Variants in GALNT17 observed in about 807,000 individuals in gnomAD.
GALNT17 encodes the protein polypeptide N-acetylgalactosaminyltransferase 17.
A neutral mutation model predicts 63.7 loss-of-function variants in GALNT17; 29 were observed. The ratio of observed to expected loss-of-function variants is 0.46; its 90% CI spans 0.34 to 0.62. The LOEUF (loss-of-function observed/expected upper bound fraction) is 0.62. GALNT17 is among the 20% of genes least tolerant of loss of function. The pLI is 0.01. For missense variants in GALNT17, 603 were observed against 799.6 expected (o/e 0.75, Z 2.97); for synonymous variants, 305 against 318.3 (o/e 0.96, Z 0.45).
chr7:71,258,534 A>G (rs1790327767), intron 1 of GALNT17, among the ~76,000 whole-genome samples: 2 of 152,188 alleles, frequency 1.3e-5, no homozygotes, highest in Admixed American at 1.3e-4. Flanking sequence ...GTCCATCCCC[A>G]AGAAGTTTTC....
Position 71,693,305 on chromosome 7 carries a change from C to CATATAT in GALNT17, c.1500+16000_1500+16001insTATATA, listed in dbSNP as rs1375479092. ...ACACACACACACACACACACACACA[C>CATATAT]ACACATATATATATATGGAGACAAG... On this transcript the variant is annotated intron_variant, in intron 9 of 10. Coordinates refer to ENST00000333538, the MANE Select transcript of GALNT17 (RefSeq NM_022479.3). Among the ~76,000 whole-genome samples, 335 of 126,044 alleles carry CATATAT rather than the reference C, an allele frequency of 2.7e-3. 17 individuals carry two copies. Among genetic ancestry groups the CATATAT allele is most frequent in the African/African-American group, 8.7e-3 (292 of 33,748 alleles). The allele number at this position is 126,044 out of a possible 152,430, so 82.7% of individuals were successfully genotyped here. A position where few individuals can be genotyped will look rare whatever the true frequency, so the allele number is the denominator to read the frequency against.
intron 8 of GALNT17, among the ~76,000 whole-genome samples, chr7:71,676,339 A>G (rs1791149601): frequency 1.3e-5 from 2 of 152,122 alleles, no homozygotes. Flanking sequence ...TGAATATATA[A>G]ATAGATACTG....
chr7:71,572,907 G>A (rs1789472252), intron 6 of GALNT17, among the ~76,000 whole-genome samples: 1 of 152,174 alleles, frequency 6.6e-6, no homozygotes, highest in Non-Finnish European at 1.5e-5. Flanking sequence ...TCCTTCCCCA[G>A]CAGCACAGTC....
At chr7:71,601,972 A>G (rs960496225) in intron 6 of GALNT17, among the ~76,000 whole-genome samples, 1 of 152,184 alleles carries the variant, frequency 6.6e-6, no homozygotes, top group Non-Finnish European at 1.5e-5. Context: ...CTGCACAGTG[A>G]GATGGGAACA....
intron 1 of GALNT17, among the ~76,000 whole-genome samples, chr7:71,319,096 A>ATCTATCTATCTTTCTTTCTTTCTTTCTT (rs779161547): frequency 6.1e-5 from 8 of 131,878 alleles, no homozygotes; most frequent in Admixed American, 4.5e-4. Flanking sequence ...ATTTTTGTTT[A>ATCTATCTATCTTTCTTTCTTTCTTTCTT]TCTTTCTTTC....
intron 8 of GALNT17, among the ~76,000 whole-genome samples, chr7:71,672,317 G>T (rs1791082728): frequency 6.6e-6 from 1 of 152,068 alleles, no homozygotes; most frequent in African/African-American, 2.4e-5. Context: ...TTACATGAAA[G>T]AAATAATAAA....
At chr7:71,267,302 C>G (rs1443139441) in intron 1 of GALNT17, among the ~76,000 whole-genome samples, 1 of 152,082 alleles carries the variant, frequency 6.6e-6, no homozygotes, top group African/African-American at 2.4e-5. Flanking sequence ...AGGCTCCACG[C>G]CTTCCTGGAA....
intron 1 of GALNT17, among the ~76,000 whole-genome samples, chr7:71,304,225 T>C (rs1791250787): frequency 6.6e-6 from 1 of 152,206 alleles, no homozygotes; most frequent in Admixed American, 6.5e-5. Context: ...CATTTGTTCT[T>C]TTACCCAACA....
At chr7:71,320,552 C>G (rs1791587636) in intron 1 of GALNT17, among the ~76,000 whole-genome samples, 1 of 152,128 alleles carries the variant, frequency 6.6e-6, no homozygotes, top group Admixed American at 6.5e-5. Flanking sequence ...TGCCTGGCAT[C>G]AGATAAGTTC....
intron 5 of GALNT17, among the ~76,000 whole-genome samples, chr7:71,473,439 A>T (rs905035269): frequency 6.6e-6 from 1 of 152,212 alleles, no homozygotes; most frequent in Non-Finnish European, 1.5e-5. Flanking sequence ...TCAAAGCAAT[A>T]TATTTTGGGG....
chr7:71,328,240 T>C (rs1390272128), intron 1 of GALNT17, among the ~76,000 whole-genome samples: 1 of 152,228 alleles, frequency 6.6e-6, no homozygotes, highest in East Asian at 1.9e-4. Context: ...TCTTTGCCAT[T>C]ACTTTTAGTG....
chr7:71,293,055 A>G (rs370376550), intron 1 of GALNT17, among the ~76,000 whole-genome samples: 3 of 151,278 alleles, frequency 2.0e-5, no homozygotes, highest in South Asian at 2.1e-4. Context: ...ATGCTATTCC[A>G]TTGTGTATGT....
intron 5 of GALNT17, among the ~76,000 whole-genome samples, chr7:71,454,248 AGT>A (rs551086335): frequency 3.4e-4 from 51 of 152,222 alleles, no homozygotes; most frequent in African/African-American, 1.2e-3. Context: ...AACAGGCCCC[AGT>A]GTGTGTTGTT....
intron 5 of GALNT17, among the ~76,000 whole-genome samples, chr7:71,467,866 G>A (rs1787562627): frequency 6.6e-6 from 1 of 152,122 alleles, no homozygotes; most frequent in South Asian, 2.1e-4. Context: ...GGATCAAGGG[G>A]TCTCAGAGCC....
At chr7:71,290,792 C>T (rs564167937) in intron 1 of GALNT17, among the ~76,000 whole-genome samples, 2 of 152,176 alleles carry the variant, frequency 1.3e-5, no homozygotes, top group African/African-American at 4.8e-5. Context: ...TCTACAGACT[C>T]TTATGCTCAG....
At chr7:71,299,634 C>T (rs189138515) in intron 1 of GALNT17, among the ~76,000 whole-genome samples, 13 of 146,552 alleles carry the variant, frequency 8.9e-5, no homozygotes, top group Admixed American at 1.3e-4. Context: ...GCCACTGTAG[C>T]GCTGGAATCA....
intron 1 of GALNT17, among the ~76,000 whole-genome samples, chr7:71,238,516 C>T (rs999997879): frequency 3.9e-5 from 6 of 152,148 alleles, no homozygotes; most frequent in Non-Finnish European, 8.8e-5. Flanking sequence ...TGAGCCATCA[C>T]CCCACTGCAC....
intron 9 of GALNT17, among the ~76,000 whole-genome samples, chr7:71,697,057 T>TGGAC (rs1344873440): frequency 1.3e-5 from 2 of 152,166 alleles, no homozygotes; most frequent in African/African-American, 4.8e-5. Context: ...GAAGGCAGGC[T>TGGAC]GGACGGTCAG....
chr7:71,405,834 G>A (rs1793318540), intron 3 of GALNT17, among the ~76,000 whole-genome samples: 2 of 152,118 alleles, frequency 1.3e-5, no homozygotes, highest in Admixed American at 6.6e-5. Context: ...CCCCATTGAG[G>A]CATTGATTGG....
Sources: gnomAD v4.1 joint callset for allele counts (sites outside exome capture counted in the v4.1 genomes callset) on GRCh38, gnomAD v4.1.1 for gene constraint, MANE v1.5 for transcripts, NCBI Gene and HGNC (gene_info 2026-07-23, HGNC 2026-07-21) for gene names.